Variants in RNF180 observed in about 807,000 individuals in gnomAD.
RNF180 encodes E3 ubiquitin-protein ligase RNF180.
Under a neutral mutation model 59.2 loss-of-function variants are expected in RNF180, and 38 were observed. That is an observed-to-expected ratio of 0.64 (90% CI 0.50 to 0.84). The LOEUF (loss-of-function observed/expected upper bound fraction) is 0.84. RNF180 is among the 40% of genes least tolerant of loss of function. RNF180 has a pLI of 0.00. For missense variants in RNF180, 705 were observed against 700.9 expected (o/e 1.01, Z -0.07); for synonymous variants, 262 against 240.3 (o/e 1.09, Z -0.84).
chr5:64,266,213 T>C (rs1369998816), intron 5 of RNF180, among the ~76,000 whole-genome samples: 1 of 152,202 alleles, frequency 6.6e-6, no homozygotes, highest in Non-Finnish European at 1.5e-5. Context: ...ACGCTTTATT[T>C]ATTTCTTTTG....
chr5:64,244,408 C>A (rs1402834025), intron 5 of RNF180, among the ~76,000 whole-genome samples: 5 of 139,552 alleles, frequency 3.6e-5, no homozygotes, highest in Admixed American at 3.6e-4. Flanking sequence ...CCTGATGGAG[C>A]TGAAAAAAAA....
intron 5 of RNF180, among the ~76,000 whole-genome samples, chr5:64,261,133 G>A (rs1744314984): frequency 6.6e-6 from 1 of 152,092 alleles, no homozygotes; most frequent in South Asian, 2.1e-4. Flanking sequence ...TAGTTCTGTT[G>A]TAAATCAGAA....
intron 5 of RNF180, among the ~76,000 whole-genome samples, chr5:64,318,585 A>C (rs1265937473): frequency 6.6e-6 from 1 of 152,176 alleles, no homozygotes; most frequent in Non-Finnish European, 1.5e-5. Context: ...GACTAGGTGA[A>C]AATTTTCATT....
At chr5:64,200,281 A>G (rs1205149463) in intron 1 of RNF180, among the ~76,000 whole-genome samples, 1 of 152,074 alleles carries the variant, frequency 6.6e-6, no homozygotes, top group Non-Finnish European at 1.5e-5. Flanking sequence ...GAAAGTAAAA[A>G]AAATAAAATA....
chr5:64,173,290 TTTG>T (rs1175090579), intron 1 of RNF180, among the ~76,000 whole-genome samples: 1 of 152,346 alleles, frequency 6.6e-6, no homozygotes, highest in African/African-American at 2.4e-5. Flanking sequence ...ATATACAATT[TTTG>T]TTGTCATATT....
chr5:64,204,541 T>G (rs919546575), intron 2 of RNF180, among the ~76,000 whole-genome samples: 8 of 152,188 alleles, frequency 5.3e-5, no homozygotes, highest in Admixed American at 1.3e-4. Flanking sequence ...GGATGTTTTG[T>G]TTTTGATACT....
chr5:64,357,611 TA>T (rs1365122241), intron 7 of RNF180, among the ~76,000 whole-genome samples: 1 of 151,808 alleles, frequency 6.6e-6, no homozygotes, highest in Non-Finnish European at 1.5e-5. Context: ...TCTGTCCTTT[TA>T]TGCAGGTACT....
At position 64,371,268 on chromosome 5, in the gene RNF180, A is replaced by C. The variant is rs1294125230; in HGVS notation, c.*1454A>C. On this transcript the variant is annotated 3_prime_UTR_variant, in exon 8 of 8. Transcript: ENST00000389100. ...TAGAAACACAGATAAATTTATACTT[A>C]TAAATGGATATTTATAATTACTAAT... 6.6e-6 allele frequency: 1 copy of C among 151,678 alleles called. No homozygotes were observed. The highest frequency in any genetic ancestry group is 1.9e-4 in the East Asian group (1 of 5,164). 9.4% of individuals were successfully genotyped at this position (151,678 alleles called of 1,614,324 possible).
intron 7 of RNF180, among the ~76,000 whole-genome samples, chr5:64,332,868 G>A (rs1019345499): frequency 2.0e-5 from 3 of 152,102 alleles, no homozygotes; most frequent in African/African-American, 7.2e-5. Flanking sequence ...AACAAAATCA[G>A]TACAGCTACT....
At chr5:64,340,193 C>T (rs1580279094) in intron 7 of RNF180, among the ~76,000 whole-genome samples, 1 of 152,154 alleles carries the variant, frequency 6.6e-6, no homozygotes, top group East Asian at 1.9e-4. Flanking sequence ...AAAGAGGTTT[C>T]ACTAAAACAT....
chr5:64,166,963 C>T (rs375683462), intron 1 of RNF180, among the ~76,000 whole-genome samples: 2 of 152,178 alleles, frequency 1.3e-5, no homozygotes, highest in African/African-American at 4.8e-5. Context: ...GAGTCAATTC[C>T]TTTCAGACTC....
chr5:64,309,411 T>G (rs1743639579), intron 5 of RNF180, among the ~76,000 whole-genome samples: 1 of 151,722 alleles, frequency 6.6e-6, no homozygotes, highest in African/African-American at 2.4e-5. Context: ...AGAATTGATT[T>G]AGATTTGTTT....
Position 64,350,746 on chromosome 5 carries a change from C to T in RNF180, c.1580-18869C>T, listed in dbSNP as rs1165424164. Reference sequence around the variant, plus strand: ...ATGTGTGGTATTATTTCTGAGGGCTCTGTTCTGTTCCATTGGTCTATATCT... The same window carrying T: ...ATGTGTGGTATTATTTCTGAGGGCTTTGTTCTGTTCCATTGGTCTATATCT... On this transcript the variant is annotated intron_variant, in intron 7 of 7. Transcript: ENST00000389100. Among the ~76,000 whole-genome samples the T allele has an allele frequency of 2.0e-5, 3 of 152,180 alleles. No individual in the cohort carries two copies. The East Asian group carries it at 5.8e-4, about 29-fold the overall frequency.
At chr5:64,293,698 G>A (rs1361921881) in intron 5 of RNF180, among the ~76,000 whole-genome samples, 1 of 151,842 alleles carries the variant, frequency 6.6e-6, no homozygotes, top group African/African-American at 2.4e-5. Context: ...TTGGGTAATA[G>A]GTGATTTATT....
intron 1 of RNF180, among the ~76,000 whole-genome samples, chr5:64,175,212 C>G (rs1016774052): frequency 6.6e-6 from 1 of 152,058 alleles, no homozygotes; most frequent in East Asian, 1.9e-4. Flanking sequence ...GGTGATATGC[C>G]CGCCTCGGAC....
chr5:64,206,656 A>G (rs951308861), intron 2 of RNF180, among the ~76,000 whole-genome samples: 1 of 152,204 alleles, frequency 6.6e-6, no homozygotes, highest in Non-Finnish European at 1.5e-5. Flanking sequence ...CTCCAAGTGC[A>G]TATTTTAAAG....
chr5:64,293,375 CCT>C (rs1461601196), intron 5 of RNF180, among the ~76,000 whole-genome samples: 1 of 152,150 alleles, frequency 6.6e-6, no homozygotes, highest in Non-Finnish European at 1.5e-5. Flanking sequence ...CATTTTCATT[CCT>C]CTCTGTGAGA....
chr5:64,366,174 T>C (rs1408858951), intron 7 of RNF180, among the ~76,000 whole-genome samples: 1 of 151,588 alleles, frequency 6.6e-6, no homozygotes, highest in African/African-American at 2.4e-5. Context: ...GGTGACAAAT[T>C]CCCTCAGTAT....
At chr5:64,189,162 A>G (rs1271297651) in intron 1 of RNF180, among the ~76,000 whole-genome samples, 1 of 151,938 alleles carries the variant, frequency 6.6e-6, no homozygotes, top group African/African-American at 2.4e-5. Flanking sequence ...GAGACAATAA[A>G]TTTCTTTGGT....
Sources: gnomAD v4.1 joint callset for allele counts (sites outside exome capture counted in the v4.1 genomes callset) on GRCh38, gnomAD v4.1.1 for gene constraint, MANE v1.5 for transcripts, NCBI Gene and HGNC (gene_info 2026-07-23, HGNC 2026-07-21) for gene names.